Variants in PSD3 observed in about 807,000 individuals in gnomAD.
The protein encoded by PSD3 is pleckstrin and Sec7 domain containing 3.
PSD3 carries 49 observed loss-of-function variants against 105.5 expected under a neutral mutation model. That is an observed-to-expected ratio of 0.46 (90% CI 0.37 to 0.59). The LOEUF (loss-of-function observed/expected upper bound fraction) is 0.59, where lower values mean the gene tolerates loss of function less well. Ranked by LOEUF, PSD3 falls within the 20% of genes least tolerant of loss-of-function variation. The pLI is 0.00. For missense variants in PSD3, 1,561 were observed against 1,263.8 expected, an observed-to-expected ratio of 1.24 and a Z score of -3.57; for synonymous variants, 557 against 457.8, an observed-to-expected ratio of 1.22 and a Z score of -2.77.
At chr8:18,660,310 A>G (rs1809253175) in intron 9 of PSD3, among the ~76,000 whole-genome samples, 1 of 152,076 alleles carries the variant, frequency 6.6e-6, no homozygotes, top group Non-Finnish European at 1.5e-5. Flanking sequence ...CGAGGAAGAG[A>G]CTTTTCCCCT....
chr8:18,629,829 T>G (rs1209251927), intron 11 of PSD3, among the ~76,000 whole-genome samples: 1 of 151,982 alleles, frequency 6.6e-6, no homozygotes, highest in Non-Finnish European at 1.5e-5. Flanking sequence ...AACTATATAC[T>G]CTAAATTGGT....
chr8:18,561,971 A>G (rs545786421), intron 14 of PSD3, among the ~76,000 whole-genome samples: 1 of 152,212 alleles, frequency 6.6e-6, no homozygotes, highest in Non-Finnish European at 1.5e-5. Context: ...AGATTTACAT[A>G]GTACTTATCA....
intron 1 of PSD3, among the ~76,000 whole-genome samples, chr8:19,064,031 C>A (rs1828990669): frequency 6.6e-6 from 1 of 152,062 alleles, no homozygotes; most frequent in African/African-American, 2.4e-5. Flanking sequence ...ATCCCAGCTA[C>A]TCCGGAGACT....
intron 9 of PSD3, among the ~76,000 whole-genome samples, chr8:18,750,759 C>G (rs975839299): frequency 6.6e-6 from 1 of 152,000 alleles, no homozygotes; most frequent in African/African-American, 2.4e-5. Context: ...TAGTTAGATA[C>G]AGAGTATGGA....
chr8:18,792,707 A>G (rs1330294053), intron 8 of PSD3, among the ~76,000 whole-genome samples: 3 of 152,102 alleles, frequency 2.0e-5, no homozygotes, highest in African/African-American at 7.2e-5. Context: ...GAGAAATAGG[A>G]CCACTTTTAC....
chr8:18,983,458 G>C (rs892582811), intron 1 of PSD3, among the ~76,000 whole-genome samples: 1 of 152,106 alleles, frequency 6.6e-6, no homozygotes, highest in African/African-American at 2.4e-5. Flanking sequence ...GCTTCAACAC[G>C]CCCTTCTCAC....
At chr8:18,930,627 T>C (rs940923688) in intron 2 of PSD3, among the ~76,000 whole-genome samples, 10 of 150,986 alleles carry the variant, frequency 6.6e-5, no homozygotes, top group Non-Finnish European at 1.5e-4. Context: ...TAGAGTACAG[T>C]GGTGCGATCT....
Position 18,615,364 on chromosome 8 carries a change from A to G in PSD3, c.2411-14930T>C, listed in dbSNP as rs557543754. Among the ~76,000 whole-genome samples, 492 of 152,298 alleles carry G rather than the reference A, an allele frequency of 3.2e-3. 4 individuals carry two copies. Among genetic ancestry groups the G allele is most frequent in the Middle Eastern group, 0.014 (4 of 294 alleles). The stretch of plus-strand genomic sequence containing the variant: ...AGCCTGTGCGGTCTAACCCTAGCCA[A>G]TAAGGGAATGACACAGCAGCAAGGG... On this transcript the variant is annotated intron_variant, in intron 11 of 15. Coordinates refer to ENST00000327040, the MANE Select transcript of PSD3 (RefSeq NM_015310.4).
chr8:18,643,109 G>C (rs1028590452), intron 10 of PSD3, among the ~76,000 whole-genome samples: 4 of 152,132 alleles, frequency 2.6e-5, no homozygotes, highest in African/African-American at 4.8e-5. Flanking sequence ...TTACAGTTCT[G>C]GAGACTGGGA....
chr8:18,627,173 G>C (rs1806542396), intron 11 of PSD3, among the ~76,000 whole-genome samples: 1 of 152,088 alleles, frequency 6.6e-6, no homozygotes, highest in African/African-American at 2.4e-5. Context: ...TTACTGCTTA[G>C]AGAAAGAGTC....
chr8:18,972,804 T>C (rs115788771), intron 1 of PSD3, among the ~76,000 whole-genome samples: 2,196 of 152,266 alleles, frequency 0.014, 69 homozygotes, highest in African/African-American at 0.05. Flanking sequence ...GACACAAATG[T>C]TTGTTGTTTA....
chr8:18,964,817 A>G lies in PSD3; in HGVS notation c.22-28675T>C, dbSNP rs1248399958. 2.0e-5 allele frequency among the ~76,000 whole-genome samples: 3 copies of G among 152,308 alleles called. No individual in the cohort carries two copies. In the South Asian group the frequency reaches 6.2e-4, roughly 32 times the overall value. On this transcript the variant is annotated intron_variant, in intron 1 of 15. Coordinates refer to ENST00000327040, the MANE Select transcript of PSD3 (RefSeq NM_015310.4). The stretch of plus-strand genomic sequence containing the variant: ...GAAACTCAAAGGAAGTAGATTATAA[A>G]CAAGGTGGCATAGATTTGTTCACAG...
chr8:18,616,275 T>C (rs547350425), intron 11 of PSD3, among the ~76,000 whole-genome samples: 1 of 152,352 alleles, frequency 6.6e-6, no homozygotes, highest in South Asian at 2.1e-4. Flanking sequence ...TGCTCTTCAC[T>C]GAGGAAAACC....
At chr8:18,825,675 TG>T (rs1813120643) in intron 4 of PSD3, among the ~76,000 whole-genome samples, 1 of 152,260 alleles carries the variant, frequency 6.6e-6, no homozygotes, top group Non-Finnish European at 1.5e-5. Flanking sequence ...TGAACATTAC[TG>T]TTTTAACTGA....
chr8:19,000,891 A>T (rs573656322), intron 1 of PSD3: 21 of 151,972 alleles, frequency 1.4e-4, no homozygotes, highest in African/African-American at 4.6e-4. Flanking sequence ...TTGAATGAGG[A>T]CCCTGGGCCA....
chr8:19,063,479 C>T (rs1828969753), intron 1 of PSD3, among the ~76,000 whole-genome samples: 1 of 152,194 alleles, frequency 6.6e-6, no homozygotes, highest in Non-Finnish European at 1.5e-5. Context: ...TAGCGCCTAT[C>T]ACGGACTGGC....
At chr8:18,692,650 A>G (rs1399194442) in intron 9 of PSD3, among the ~76,000 whole-genome samples, 1 of 152,146 alleles carries the variant, frequency 6.6e-6, no homozygotes, top group Non-Finnish European at 1.5e-5. Context: ...AAAAAGTAGT[A>G]ACAGAACCTG....
At chr8:18,640,452 G>T (rs898793927) in intron 10 of PSD3, among the ~76,000 whole-genome samples, 9 of 152,190 alleles carry the variant, frequency 5.9e-5, no homozygotes, top group Admixed American at 5.9e-4. Flanking sequence ...CTGAATCATG[G>T]GAGCAGTTTC....
intron 9 of PSD3, among the ~76,000 whole-genome samples, chr8:18,717,960 G>A (rs1443633743): frequency 1.3e-5 from 2 of 152,180 alleles, no homozygotes; most frequent in Middle Eastern, 3.2e-3. Context: ...GACTGGTGAT[G>A]GCCAGCTTCC....
Sources: gnomAD v4.1 joint callset for allele counts (sites outside exome capture counted in the v4.1 genomes callset) on GRCh38, gnomAD v4.1.1 for gene constraint, MANE v1.5 for transcripts, NCBI Gene and HGNC (gene_info 2026-07-23, HGNC 2026-07-21) for gene names.